DAPK2: variants seen among roughly 807,000 people sequenced by gnomAD.
DAPK2 encodes death-associated protein kinase 2.
In DAPK2, 35 loss-of-function variants were observed where a neutral mutation model predicts 44.1. That is an observed-to-expected ratio of 0.79 (90% confidence interval 0.61 to 1.05). DAPK2 has a LOEUF of 1.05. Ranked by LOEUF, DAPK2 falls within the 50% of genes least tolerant of loss-of-function variation. The pLI, the probability that DAPK2 is intolerant of heterozygous loss-of-function variation, is 0.00. For synonymous variants in DAPK2, 174 were observed against 182.6 expected, an observed-to-expected ratio of 0.95 and a Z score of 0.38; for missense variants, 453 against 483.2, an observed-to-expected ratio of 0.94 and a Z score of 0.59.
intron 1 of DAPK2, among the ~76,000 whole-genome samples, chr15:64,018,234 C>T (rs561729126): frequency 6.6e-5 from 10 of 152,192 alleles, no homozygotes; most frequent in East Asian, 1.9e-4. Flanking sequence ...TCTCAAATGA[C>T]GGTTTGCAGG....
chr15:63,993,515 C>T (rs1259954834), intron 1 of DAPK2, among the ~76,000 whole-genome samples: 2 of 151,770 alleles, frequency 1.3e-5, no homozygotes, highest in Non-Finnish European at 2.9e-5. Flanking sequence ...TTGTTTTTCA[C>T]TGATATAGTC....
At chr15:63,932,416 A>T (rs143199143) in intron 4 of DAPK2, 1 of 146,134 alleles carries the variant, frequency 6.8e-6, no homozygotes, top group East Asian at 2.0e-4. Flanking sequence ...AGTTGAGCTG[A>T]AATTGTGCCA....
intron 1 of DAPK2, among the ~76,000 whole-genome samples, chr15:63,992,521 G>A (rs191076547): frequency 5.9e-5 from 9 of 152,312 alleles, no homozygotes; most frequent in African/African-American, 1.9e-4. Context: ...TTAGACAAAC[G>A]CAGATGAAAA....
chr15:64,004,232 G>A (rs112791424), intron 1 of DAPK2, among the ~76,000 whole-genome samples: 5,158 of 152,124 alleles, frequency 0.034, 119 homozygotes, highest in African/African-American at 0.062. Context: ...TGATAGTATT[G>A]TTTACATGTT....
intron 3 of DAPK2, among the ~76,000 whole-genome samples, chr15:63,969,136 C>T (rs1164891603): frequency 2.0e-5 from 3 of 152,204 alleles, no homozygotes; most frequent in Non-Finnish European, 4.4e-5. Flanking sequence ...AATACCGTGA[C>T]AGCCAGGAGC....
intron 1 of DAPK2, among the ~76,000 whole-genome samples, chr15:63,984,723 G>C (rs1199953504): frequency 6.6e-6 from 1 of 152,102 alleles, no homozygotes; most frequent in African/African-American, 2.4e-5. Context: ...AAAGTTTTCT[G>C]GTTCAGCTTA....
chr15:63,923,746 G>A lies in DAPK2; in HGVS notation c.858+1070C>T, dbSNP rs755310527. Among the ~76,000 whole-genome samples, 1 of 152,222 alleles carries A rather than the reference G, an allele frequency of 6.6e-6. No individual in the cohort carries two copies. The highest frequency in any genetic ancestry group is 1.5e-5 in the Non-Finnish European group (1 of 68,042). The stretch of plus-strand genomic sequence containing the variant: ...CCTTGGGCCTTCCCCATCCTTCAAT[G>A]AGCTGATGAAGCTGAGCAGATAAAG... On this transcript the variant is annotated intron_variant, in intron 8 of 10. Coordinates refer to ENST00000261891, the Ensembl canonical transcript of DAPK2. This position sits in a 1 kb window ranked among gnomAD's most constrained non-coding sequence, Gnocchi z 4.2.
At chr15:63,930,304 G>C in intron 5 of DAPK2, 103 bp downstream of exon 6, 2 of 1,133,392 alleles carry the variant, frequency 1.8e-6, no homozygotes, top group Non-Finnish European at 2.7e-6. Flanking sequence ...TGAGTGTGGA[G>C]TAAGGGGCTT....
At position 63,908,615 on chromosome 15, in the gene DAPK2, G is replaced by C. The variant is rs769982926; in HGVS notation, c.1033-15C>G. The stretch of plus-strand genomic sequence containing the variant: ...TCACAGTTCCTCTGGAGAAAAAAAA[G>C]AGAAAGAGGTCCAGGGCAGGAGGAT... On this transcript the variant is annotated splice_polypyrimidine_tract_variant and intron_variant, in intron 10 of 10. Transcript: ENST00000261891. This position sits in a 1 kb window ranked among gnomAD's most constrained non-coding sequence, Gnocchi z 5.7. The C allele has an allele frequency of 1.3e-6, 2 of 1,581,272 alleles. No individual in the cohort carries two copies. The highest frequency in any genetic ancestry group is 1.7e-6 in the Non-Finnish European group (2 of 1,166,074).
At chr15:64,042,132 T>C, upstream of DAPK2, among the ~76,000 whole-genome samples, 1 of 152,154 alleles carries the variant, frequency 6.6e-6, no homozygotes, top group Non-Finnish European at 1.5e-5. This position sits in a 1 kb window ranked among gnomAD's most constrained non-coding sequence, Gnocchi z 4.7. Context: ...ACTATCTATA[T>C]CACATACTTC....
chr15:63,926,160 G>A (rs117271511), intron 6 of DAPK2, 67 bp from the exon 8 acceptor site: 19,460 of 1,533,188 alleles, frequency 0.013, 152 homozygotes, highest in Middle Eastern at 0.016. Flanking sequence ...TTACGGACTC[G>A]GGGAACCCTG....
chr15:63,927,658 G>A (rs144237829), intron 6 of DAPK2, among the ~76,000 whole-genome samples: 1 of 152,260 alleles, frequency 6.6e-6, no homozygotes, highest in African/African-American at 2.4e-5. Flanking sequence ...CTGGTACAGT[G>A]CCTGCCATGG....
chr15:63,924,722 C>G, intron 8 of DAPK2, 94 bp downstream of exon 9: 1 of 1,409,590 alleles, frequency 7.1e-7, no homozygotes, highest in East Asian at 2.3e-5. Context: ...AAGCAAAGGC[C>G]TCTCCATGGG....
rs2078211835 is a variant in DAPK2, at chr15:63,971,564, G to A, written c.315-3C>T. 6.2e-7 allele frequency: 1 copy of A among 1,613,922 alleles called. No homozygotes were observed. Among genetic ancestry groups the A allele is most frequent in the South Asian group, 1.1e-5 (1 of 91,058 alleles). ...CGAAGAGCTCTCCTCCAGACACTCT[G>A]TAAAACACCAGCGGGGGGAGGGGAG... On this transcript the variant is annotated splice_polypyrimidine_tract_variant and splice_region_variant and intron_variant, in intron 2 of 10. Coordinates refer to ENST00000261891, the Ensembl canonical transcript of DAPK2.
At chr15:63,994,142 A>T (rs754257758) in intron 1 of DAPK2, among the ~76,000 whole-genome samples, 9 of 152,184 alleles carry the variant, frequency 5.9e-5, no homozygotes, top group Non-Finnish European at 1.2e-4. Flanking sequence ...CTTGGCACTC[A>T]ACTATAAGCC....
rs2079436968 is a variant in DAPK2 at position 64,013,274 on chromosome 15, A to G, written c.92+26896T>C. 6.6e-6 allele frequency among the ~76,000 whole-genome samples: 1 copy of G among 152,240 alleles called. No individual in the cohort carries two copies. Among genetic ancestry groups the G allele is most frequent in the South Asian group, 2.1e-4 (1 of 4,830 alleles). On this transcript the variant is annotated intron_variant, in intron 1 of 10. Coordinates refer to ENST00000261891, the Ensembl canonical transcript of DAPK2. The surrounding 1 kb of genome is among the most constrained non-coding windows in gnomAD (Gnocchi z 4.7). Reference sequence around the variant, plus strand: ...TATGGAAATGGGGTAACCTGCCATTATCTTTATACAAGGGTTAAGATCTTG... The same window carrying G: ...TATGGAAATGGGGTAACCTGCCATTGTCTTTATACAAGGGTTAAGATCTTG...
At position 63,971,405 on chromosome 15, in the gene DAPK2, C is replaced by T. The variant is rs2078207759; in HGVS notation, c.453+18G>A. 1 of 1,613,734 alleles carries T rather than the reference C, an allele frequency of 6.2e-7. No individual in the cohort carries two copies. The highest frequency in any genetic ancestry group is 1.3e-5 in the African/African-American group (1 of 75,036). On this transcript the variant is annotated intron_variant, in intron 3 of 10. Transcript: ENST00000261891. ...TTCTTCCTAAACTTGATTCTTTTCC[C>T]TTTCTCCCCTTACTGACCTTGAGAT...
rs1170342122 is a variant in DAPK2, at chr15:63,929,440, G to A, written c.659+111C>T. 2.9e-6 allele frequency: 4 copies of A among 1,396,414 alleles called. No homozygotes were observed. In the African/African-American group the frequency reaches 5.7e-5, roughly 20 times the overall value. 86.5% of individuals were successfully genotyped at this position (1,396,414 alleles called of 1,614,324 possible). On this transcript the variant is annotated intron_variant, in intron 6 of 10. Coordinates refer to ENST00000261891, the Ensembl canonical transcript of DAPK2. ...TTGCTGTGTGGACTTAACACATCTG[G>A]ATTATGGTGGGTGCTTAGTAAATGT...
chr15:63,912,068 G>GCCCCCCCCCCGTGCCCCCCCC lies in DAPK2; in HGVS notation c.948+39_948+40insGGGGGGGGCACGGGGGGGGGG. On this transcript the variant is annotated intron_variant, in intron 9 of 10. Transcript: ENST00000261891. This position sits in a 1 kb window ranked among gnomAD's most constrained non-coding sequence, Gnocchi z 4.4. ...CTGGAGAGCCAGAAACCCCGCCCTA[G>GCCCCCCCCCCGTGCCCCCCCC]CCCCCACCCTGTCCCCCGCCGCCCC... The GCCCCCCCCCCGTGCCCCCCCC allele has an allele frequency of 1.5e-6, 2 of 1,312,404 alleles. No individual in the cohort carries two copies. Among genetic ancestry groups the GCCCCCCCCCCGTGCCCCCCCC allele is most frequent in the Non-Finnish European group, 2.2e-6 (2 of 924,240 alleles). The allele number at this position is 1,312,404 out of a possible 1,614,324, so 81.3% of individuals were successfully genotyped here. A position where few individuals can be genotyped will look rare whatever the true frequency, so the allele number is the denominator to read the frequency against.
Sources: gnomAD v4.1 joint callset for allele counts (sites outside exome capture counted in the v4.1 genomes callset) on GRCh38, gnomAD v4.1.1 for gene constraint, Gnocchi (gnomAD v3.1) non-coding constraint, MANE v1.5 for transcripts, NCBI Gene and HGNC (gene_info 2026-07-23, HGNC 2026-07-21) for gene names.